The following TRPM2 variants were observed in gnomAD, a reference collection of about 807,000 sequenced individuals.
TRPM2 encodes transient receptor potential cation channel subfamily M member 2.
In TRPM2, 161 loss-of-function variants were observed where a neutral mutation model predicts 174.0. That is an observed-to-expected ratio of 0.93 (90% CI 0.81 to 1.05). The LOEUF (loss-of-function observed/expected upper bound fraction) is 1.05, where lower values mean the gene tolerates loss of function less well. Ranked by LOEUF, TRPM2 falls within the 50% of genes least tolerant of loss-of-function variation. The pLI is 0.00. For synonymous variants in TRPM2, 954 were observed against 861.3 expected, an observed-to-expected ratio of 1.11 and a Z score of -1.88; for missense variants, 2,057 against 2,038.0, an observed-to-expected ratio of 1.01 and a Z score of -0.18.
chr21:44,424,810 T>TG (rs993888170), intron 23 of TRPM2, 42 bp from the exon 24 acceptor site: 2 of 1,426,874 alleles, frequency 1.4e-6, no homozygotes, highest in Admixed American at 2.1e-5. Flanking sequence ...ACCATGCGTG[T>TG]GGGTGGCAGG....
intron 11 of TRPM2, among the ~76,000 whole-genome samples, chr21:44,394,465 G>T (rs1397958771): frequency 2.0e-5 from 3 of 151,778 alleles, no homozygotes; most frequent in Non-Finnish European, 4.4e-5. Context: ...GACTACAGGT[G>T]TCCGCCACCA....
chr21:44,381,349 CTG>C (rs1230156062), intron 8 of TRPM2, among the ~76,000 whole-genome samples: 1 of 151,746 alleles, frequency 6.6e-6, no homozygotes, highest in Non-Finnish European at 1.5e-5. Context: ...GGAGGAGTAA[CTG>C]TAGTAGACAT....
rs1218223132 is a variant in TRPM2 at position 44,382,801 on chromosome 21, C to CTT, written c.1300_1301dup (p.Leu434PhefsTer6). The CTT allele has an allele frequency of 2.5e-6, 4 of 1,613,482 alleles. No homozygotes were observed. Among genetic ancestry groups the CTT allele is most frequent in the Middle Eastern group, 1.7e-4 (1 of 5,946 alleles). ...GTCAGCAGGACGTGGATGTGGCCAT[C>CTT]TTGCAGGCCTTGCTGAAAGGTGAGG... On this transcript the variant is annotated frameshift_variant, in exon 9 of 32. Transcript: ENST00000397928. LOFTEE classifies it high-confidence loss of function.
At chr21:44,431,455 G>A (rs2051019178) in intron 27 of TRPM2, among the ~76,000 whole-genome samples, 1 of 151,974 alleles carries the variant, frequency 6.6e-6, no homozygotes, top group Non-Finnish European at 1.5e-5. Flanking sequence ...TCATTTGATT[G>A]TTTAGTGATG....
At chr21:44,424,095 G>T (rs1332020019) in intron 23 of TRPM2, among the ~76,000 whole-genome samples, 1 of 152,122 alleles carries the variant, frequency 6.6e-6, no homozygotes, top group African/African-American at 2.4e-5. Context: ...CTTAGAGACG[G>T]CCTCTCAGGG....
chr21:44,424,809 GT>G, intron 23 of TRPM2, 42 bp from the exon 24 acceptor site: 1 of 1,434,208 alleles, frequency 7.0e-7, no homozygotes, highest in Non-Finnish European at 9.5e-7. Context: ...TACCATGCGT[GT>G]GGGTGGCAGG....
At chr21:44,374,015 CTT>C (rs1015267813) in intron 5 of TRPM2, among the ~76,000 whole-genome samples, 6 of 145,278 alleles carry the variant, frequency 4.1e-5, no homozygotes, top group Non-Finnish European at 3.0e-5. Flanking sequence ...CTCTCTCTCT[CTT>C]TTTTTTTTTT....
chr21:44,417,301 TGGGCACAAGGGC>T (rs2050330172), intron 20 of TRPM2, among the ~76,000 whole-genome samples: 3 of 123,286 alleles, frequency 2.4e-5, no homozygotes, highest in Non-Finnish European at 3.3e-5. Flanking sequence ...GGCATCACAG[TGGGCACAAGGGC>T]GTGGCTCTGC....
In TRPM2 at chr21:44,391,319, G is replaced by C. The variant is rs1352352413; in HGVS notation, c.1488G>C (p.Lys496Asn). 6.2e-7 allele frequency: 1 copy of C among 1,614,142 alleles called. No homozygotes were observed. The highest frequency in any genetic ancestry group is 1.7e-5 in the Admixed American group (1 of 60,034). The part of the protein sequence containing the change: ...PTMTAALISN[K>N]PEFVKLFLEN... ...TGACAGCTGCACTCATCTCCAACAA[G>C]CCTGAGTTTGTGAAGCTCTTCCTGG... is the stretch of plus-strand genomic sequence containing the variant. Residue 496 changes from lysine to asparagine, a missense_variant, in exon 11 of 32, where the codon AAG (lysine) becomes AAC (asparagine). By Grantham distance (94) the Lys-to-Asn change is moderately conservative (BLOSUM62 0). Coordinates refer to ENST00000397928, the MANE Select transcript of TRPM2 (RefSeq NM_003307.4). The surrounding 1 kb of genome is among the most constrained non-coding windows in gnomAD (Gnocchi z 5.0).
rs377732365 is a variant in TRPM2 at position 44,441,671 on chromosome 21, G to T, written c.4387-21G>T. 1.7e-5 allele frequency: 27 copies of T among 1,598,562 alleles called. No individual in the cohort carries two copies. The African/African-American group carries it at 3.1e-4, about 18-fold the overall frequency. ...GAGGCAGGGCTGGCGGGGAGGGTCAGCTGTGCCCTTGTTCTTCCAGAACCT... is the reference window on the plus strand; with the variant it reads ...GAGGCAGGGCTGGCGGGGAGGGTCATCTGTGCCCTTGTTCTTCCAGAACCT... On this transcript the variant is annotated intron_variant, in intron 31 of 31. Coordinates refer to ENST00000397928, the MANE Select transcript of TRPM2 (RefSeq NM_003307.4).
Position 44,406,671 on chromosome 21 carries a change from C to G in TRPM2, c.2868C>G (p.Leu956=), listed in dbSNP as rs142589153. ...VSFGVAKQAI[L]IHNERRVDWL... ...TCGGGGTGGCCAAGCAGGCCATCCT[C>G]ATCCACAACGAGCGCCGGGTGGACT... The change falls in exon 19 of 32, where the codon CTC becomes CTG. Residue 956 remains leucine, a synonymous_variant. Transcript: ENST00000397928. 256 of 1,610,806 alleles carry G rather than the reference C, an allele frequency of 1.6e-4. No homozygotes were observed. In the African/African-American group the frequency reaches 2.9e-3, roughly 18 times the overall value.
chr21:44,391,479 G>A lies in TRPM2; in HGVS notation c.1648G>A (p.Ala550Thr), dbSNP rs1198081773. 2.5e-6 allele frequency: 4 copies of A among 1,598,328 alleles called. No homozygotes were observed. Among genetic ancestry groups the A allele is most frequent in the South Asian group, 2.2e-5 (2 of 90,316 alleles). ...LVEDPERPACAPAAPRLQMHH... is the reference protein window; with the variant it reads ...LVEDPERPACTPAAPRLQMHH... ...GGAGGATCCCGAGCGCCCGGCTTGC[G>A]CGCCCGCGGCGCCCCGCCTGCAGAT... Residue 550 changes from alanine (A) to threonine (T), a missense_variant, in exon 11 of 32, where the codon GCG becomes ACG. Transcript: ENST00000397928. This position sits in a 1 kb window ranked among gnomAD's most constrained non-coding sequence, Gnocchi z 5.0.
At position 44,367,612 on chromosome 21, in the gene TRPM2, G is replaced by C. The variant is rs1461518779; in HGVS notation, c.604+678G>C. 6.6e-6 allele frequency among the ~76,000 whole-genome samples: 1 copy of C among 152,160 alleles called. No individual in the cohort carries two copies. The highest frequency in any genetic ancestry group is 1.5e-5 in the Non-Finnish European group (1 of 68,014). On this transcript the variant is annotated intron_variant, in intron 4 of 31. Transcript: ENST00000397928. The surrounding 1 kb of genome is among the most constrained non-coding windows in gnomAD (Gnocchi z 4.6). ...GGGCCCCAAGTCCTCAAGGCTCCCT[G>C]GGCCTCCCTGGAGGGGACTGTGGAT...
chr21:44,421,868 G>A (rs1165953477), intron 22 of TRPM2, among the ~76,000 whole-genome samples: 1 of 152,220 alleles, frequency 6.6e-6, no homozygotes, highest in East Asian at 1.9e-4. Flanking sequence ...AGTGCGCCAT[G>A]ATGGTGCCAC....
intron 20 of TRPM2, chr21:44,415,733 A>T (rs371536418): frequency 5.3e-5 from 8 of 152,138 alleles, no homozygotes; most frequent in African/African-American, 1.7e-4. Context: ...GAACTTTTGG[A>T]ATGTTATTTG....
chr21:44,406,868 G>A (rs1251344662), intron 19 of TRPM2, 103 bp downstream of exon 19: 4 of 1,407,722 alleles, frequency 2.8e-6, no homozygotes, highest in Admixed American at 2.4e-5. Context: ...TCCATCAGGG[G>A]GTCCTGCGGT....
chr21:44,429,696 A>G (rs1318686871), intron 27 of TRPM2, among the ~76,000 whole-genome samples: 1 of 152,182 alleles, frequency 6.6e-6, no homozygotes, highest in Non-Finnish European at 1.5e-5. Flanking sequence ...CGTTAATTAT[A>G]TAAATGTGTT....
At chr21:44,441,575 C>T (rs1227940762) in intron 31 of TRPM2, 117 bp from the exon 32 acceptor site, 1 of 1,323,874 alleles carries the variant, frequency 7.6e-7, no homozygotes, top group Non-Finnish European at 9.8e-7. Flanking sequence ...TCCCATTTCA[C>T]AGAGGAGTAA....
At chr21:44,397,042 ATT>A (rs111984257) in intron 12 of TRPM2, among the ~76,000 whole-genome samples, 13 of 143,040 alleles carry the variant, frequency 9.1e-5, no homozygotes, top group African/African-American at 2.6e-4. Flanking sequence ...CAGGAAAGGA[ATT>A]TTTTTTTTTT....
Sources: allele counts gnomAD v4.1 joint callset (sites outside exome capture counted in the v4.1 genomes callset), GRCh38; gene constraint gnomAD v4.1.1; non-coding constraint Gnocchi (gnomAD v3.1); transcripts MANE v1.5; gene names NCBI Gene and HGNC (gene_info 2026-07-23, HGNC 2026-07-21).